PZP: variants seen among roughly 807,000 people sequenced by gnomAD.
PZP encodes pregnancy zone protein.
In PZP, 150 loss-of-function variants were observed where a neutral mutation model predicts 179.8. That is an observed-to-expected ratio of 0.83 (90% CI 0.73 to 0.96). The LOEUF (loss-of-function observed/expected upper bound fraction) is 0.96. PZP is among the 40% of genes least tolerant of loss of function. PZP has a pLI of 0.00. For missense variants in PZP, 1,689 were observed against 1,764.0 expected (o/e 0.96, Z 0.76); for synonymous variants, 624 against 652.3 (o/e 0.96, Z 0.66).
At chr12:9,201,588 G>A (rs1944163808) in intron 4 of PZP, among the ~76,000 whole-genome samples, 3 of 152,110 alleles carry the variant, frequency 2.0e-5, no homozygotes, top group Admixed American at 6.5e-5. Context: ...ATTGGTGAAT[G>A]ATATTATTGA....
At chr12:9,201,113 G>A in intron 5 of PZP, 53 bp from the exon 6 acceptor site, 4 of 1,590,508 alleles carry the variant, frequency 2.5e-6, no homozygotes, top group Non-Finnish European at 3.4e-6. Context: ...AATAGTCCTT[G>A]AGCAACTCAA....
At chr12:9,162,686 C>T (rs1941292075) in intron 21 of PZP, 38 bp from the exon 22 acceptor site, 1 of 1,490,368 alleles carries the variant, frequency 6.7e-7, no homozygotes, top group Non-Finnish European at 9.3e-7. Flanking sequence ...AAGATAGAAA[C>T]ATCCTGGTGA....
chr12:9,151,531 A>G, intron 33 of PZP, 73 bp downstream of exon 33: 1 of 1,249,398 alleles, frequency 8.0e-7, no homozygotes, highest in Non-Finnish European at 1.2e-6. Flanking sequence ...CATGTTACCG[A>G]CTATTCTAGT....
intron 29 of PZP, among the ~76,000 whole-genome samples, chr12:9,154,368 G>T (rs940665650): frequency 6.6e-6 from 1 of 152,174 alleles, no homozygotes; most frequent in African/African-American, 2.4e-5. Context: ...TGACCATAGC[G>T]TGGCTTTAGA....
chr12:9,137,840 T>C, the PZP span, among the ~76,000 whole-genome samples: 4 of 152,226 alleles, frequency 2.6e-5, no homozygotes, highest in Admixed American at 6.5e-5. Flanking sequence ...TGTATAGAAA[T>C]GCAACTGATT....
At chr12:9,197,358 T>C (rs939778297) in intron 7 of PZP, among the ~76,000 whole-genome samples, 6 of 143,982 alleles carry the variant, frequency 4.2e-5, no homozygotes, top group Non-Finnish European at 9.0e-5. Context: ...TATATATTTA[T>C]ATAAATATTT....
chr12:9,200,040 A>G (rs1405911239), intron 7 of PZP, among the ~76,000 whole-genome samples: 1 of 152,220 alleles, frequency 6.6e-6, no homozygotes, highest in Non-Finnish European at 1.5e-5. Context: ...TTGTCGCAGA[A>G]GTGGACAATG....
At chr12:9,194,690 G>A (rs868853951) in intron 10 of PZP, among the ~76,000 whole-genome samples, 1 of 151,852 alleles carries the variant, frequency 6.6e-6, no homozygotes, top group Non-Finnish European at 1.5e-5. Flanking sequence ...GGTCTCGATC[G>A]CCTGACCTCG....
At chr12:9,136,961 T>A in the PZP span, among the ~76,000 whole-genome samples, 1 of 152,188 alleles carries the variant, frequency 6.6e-6, no homozygotes, top group African/African-American at 2.4e-5. Context: ...TGCAAATATT[T>A]TCTACCATTC....
chr12:9,191,660 C>T (rs910964173), intron 13 of PZP, among the ~76,000 whole-genome samples: 9 of 152,014 alleles, frequency 5.9e-5, no homozygotes, highest in African/African-American at 9.7e-5. Flanking sequence ...AAAATGTTCA[C>T]GGGTTCTCTT....
chr12:9,197,665 T>G (rs1360421780), intron 7 of PZP, among the ~76,000 whole-genome samples: 2 of 104,424 alleles, frequency 1.9e-5, no homozygotes, highest in African/African-American at 8.4e-5. Context: ...TATAAAATTA[T>G]TATATATATT....
the PZP span, among the ~76,000 whole-genome samples, chr12:9,141,971 A>G: frequency 2.0e-5 from 3 of 152,210 alleles, no homozygotes; most frequent in African/African-American, 7.2e-5. Context: ...AGTCCTAATC[A>G]CTTTTAAATT....
chr12:9,176,782 A>G (rs998136647), intron 15 of PZP, among the ~76,000 whole-genome samples: 1 of 152,174 alleles, frequency 6.6e-6, no homozygotes, highest in Non-Finnish European at 1.5e-5. Flanking sequence ...AGGAGTGTCA[A>G]TAGTGATTAT....
chr12:9,157,384 A>G, intron 27 of PZP, 29 bp from the exon 28 acceptor site: 1 of 1,596,696 alleles, frequency 6.3e-7, no homozygotes, highest in Non-Finnish European at 8.5e-7. Flanking sequence ...GTTGTGTCAA[A>G]CTAGGGTGAA....
chr12:9,157,968 T>C, intron 26 of PZP, 127 bp from the exon 27 acceptor site: 1 of 827,232 alleles, frequency 1.2e-6, no homozygotes, highest in Non-Finnish European at 2.0e-6. Flanking sequence ...TCTCTCTCTC[T>C]CTCTCGACAG....
At chr12:9,196,956 G>T in intron 8 of PZP, 56 bp downstream of exon 8, 1 of 1,291,374 alleles carries the variant, frequency 7.7e-7, no homozygotes, top group Non-Finnish European at 1.1e-6. Context: ...TTAGTAAAAT[G>T]GAGTCTCACT....
rs750928009 is a variant in PZP, at chr12:9,161,150, C to T, written c.2789-34G>A. 5 of 1,460,160 alleles carry T rather than the reference C, an allele frequency of 3.4e-6. No individual in the cohort carries two copies. The African/African-American group carries it at 4.3e-5, about 12-fold the overall frequency. The allele number at this position is 1,460,160 out of a possible 1,614,324, so 90.5% of individuals were successfully genotyped here. On this transcript the variant is annotated intron_variant, in intron 22 of 35. Transcript: ENST00000261336. The stretch of plus-strand genomic sequence containing the variant: ...ACAGACAGCCCATGTTAAAGGAGGA[C>T]ATCTATGATTACAATATAATTTAGT...
intron 7 of PZP, among the ~76,000 whole-genome samples, chr12:9,198,595 G>A (rs912306557): frequency 2.0e-5 from 3 of 152,076 alleles, no homozygotes; most frequent in Non-Finnish European, 2.9e-5. Flanking sequence ...GAACACATGA[G>A]GCATGTAAAT....
In PZP at chr12:9,165,362, G is replaced by C; in HGVS notation, c.2264C>G (p.Ser755Ter). The change falls in exon 19 of 36, where the codon TCA (serine) becomes TGA (stop). Residue 755 changes from serine (S) to a stop codon, truncating the protein, a stop_gained. Transcript: ENST00000261336. LOFTEE classifies it high-confidence loss of function. ...TGTTACTCCTACCTCAGCCACACCT[G>C]ATGAGCTGGGGAGGAGGGCAAGTGA... is the stretch of plus-strand genomic sequence containing the variant. ...WIWELVAVNS[S>*]GVAEVGVTVP... 2 of 1,613,990 alleles carry C rather than the reference G, an allele frequency of 1.2e-6. No individual in the cohort carries two copies. Among genetic ancestry groups the C allele is most frequent in the South Asian group, 2.2e-5 (2 of 91,080 alleles).
Sources: allele counts gnomAD v4.1 joint callset (sites outside exome capture counted in the v4.1 genomes callset), GRCh38; gene constraint gnomAD v4.1.1; transcripts MANE v1.5; gene names NCBI Gene and HGNC (gene_info 2026-07-23, HGNC 2026-07-21).